BRIP1: variants seen among roughly 807,000 people sequenced by gnomAD.
BRIP1 encodes the protein BRCA1 interacting DNA helicase 1.
BRIP1 carries 88 observed loss-of-function variants against 119.7 expected under a neutral mutation model. The observed-to-expected ratio is 0.74, with a 90% CI of 0.62 to 0.88. The LOEUF is 0.88. Among genes scored for constraint, BRIP1 ranks in the 40% least tolerant of loss-of-function variants. BRIP1 has a pLI of 0.00. For synonymous variants in BRIP1, 443 were observed against 496.5 expected (o/e 0.89, Z 1.43); for missense variants, 1,259 against 1,455.4 (o/e 0.87, Z 2.20).
At chr17:61,727,786 CTCTCTATATA>C (rs764978454) in intron 16 of BRIP1, among the ~76,000 whole-genome samples, 4 of 146,528 alleles carry the variant, frequency 2.7e-5, no homozygotes, top group East Asian at 4.0e-4. Flanking sequence ...CTCTCTCTCT[CTCTCTATATA>C]TATATATATA....
At chr17:61,784,863 T>C (rs891216739) in intron 10 of BRIP1, among the ~76,000 whole-genome samples, 1 of 152,216 alleles carries the variant, frequency 6.6e-6, no homozygotes, top group Non-Finnish European at 1.5e-5. Context: ...GCTGGAGCCA[T>C]GCTTCGTACA....
chr17:61,765,382 TATATATATATATATATATATATATATA>T (rs2077342132), intron 14 of BRIP1, among the ~76,000 whole-genome samples: 1 of 18,302 alleles, frequency 5.5e-5, no homozygotes, highest in Non-Finnish European at 9.4e-5. Flanking sequence ...GTATATATTA[TATATATATATATATATATATATATATA>T]TATATATATA....
At chr17:61,788,546 G>T (rs181174751) in intron 10 of BRIP1, among the ~76,000 whole-genome samples, 2 of 152,188 alleles carry the variant, frequency 1.3e-5, no homozygotes, top group East Asian at 1.9e-4. Flanking sequence ...TAAAGTGAGG[G>T]ATATGCCCTA....
At position 61,744,643 on chromosome 17, in the gene BRIP1, T is replaced by C. The variant is rs1332981174; in HGVS notation, c.2098-52A>G. 1.3e-6 allele frequency: 2 copies of C among 1,500,442 alleles called. No individual in the cohort carries two copies. Among genetic ancestry groups the C allele is most frequent in the Non-Finnish European group, 1.9e-6 (2 of 1,077,706 alleles). The allele number at this position is 1,500,442 out of a possible 1,614,324, so 92.9% of individuals were successfully genotyped here. A position where few individuals can be genotyped will look rare whatever the true frequency, so the allele number is the denominator to read the frequency against. ...TTTTTGTGTGTCTAGCTAAACAAAC[T>C]TAACTTCATTTGTTTAAGCCAATGT... is the stretch of plus-strand genomic sequence containing the variant. On this transcript the variant is annotated intron_variant, in intron 14 of 19. Transcript: ENST00000259008. The surrounding 1 kb of genome is among the most constrained non-coding windows in gnomAD (Gnocchi z 5.0).
At chr17:61,733,332 A>G (rs2076875286) in intron 16 of BRIP1, among the ~76,000 whole-genome samples, 1 of 152,182 alleles carries the variant, frequency 6.6e-6, no homozygotes, top group African/African-American at 2.4e-5. Context: ...AGCCTGGGCA[A>G]TATAGTGAGA....
chr17:61,705,968 T>C lies in BRIP1; in HGVS notation c.2492+9983A>G, dbSNP rs1226217511. On this transcript the variant is annotated intron_variant, in intron 17 of 19. Coordinates refer to ENST00000259008, the MANE Select transcript of BRIP1 (RefSeq NM_032043.3). The surrounding 1 kb of genome is among the most constrained non-coding windows in gnomAD (Gnocchi z 5.0). ...AATGTTGCTCAAGTCATCTATATCTTTATTAGTTTGTCTACTAGTTCTGTT... is the reference window on the plus strand; with the variant it reads ...AATGTTGCTCAAGTCATCTATATCTCTATTAGTTTGTCTACTAGTTCTGTT... Among the ~76,000 whole-genome samples the C allele has an allele frequency of 6.6e-6, 1 of 152,166 alleles. No homozygotes were observed. Among genetic ancestry groups the C allele is most frequent in the Non-Finnish European group, 1.5e-5 (1 of 68,002 alleles).
chr17:61,813,805 A>C (rs751058466), intron 6 of BRIP1, among the ~76,000 whole-genome samples: 1 of 152,068 alleles, frequency 6.6e-6, no homozygotes, highest in African/African-American at 2.4e-5. Flanking sequence ...GAAGACAATG[A>C]CAAGGATCAC....
At position 61,740,527 on chromosome 17, in the gene BRIP1, A is replaced by C. The variant is rs58533373; in HGVS notation, c.2379+2486T>G. ...AAATTTTTCTCACTCATTCAGATTC[A>C]CCAAAGATTTAAAAATGTCTAAGGA... On this transcript the variant is annotated intron_variant, in intron 16 of 19. Transcript: ENST00000259008. This position sits in a 1 kb window ranked among gnomAD's most constrained non-coding sequence, Gnocchi z 5.4. Among the ~76,000 whole-genome samples the C allele has an allele frequency of 9.7e-3, 1,476 of 152,300 alleles. 30 individuals are homozygous for C. The highest frequency in any genetic ancestry group is 0.033 in the African/African-American group (1,392 of 41,564).
At position 61,692,067 on chromosome 17, in the gene BRIP1, C is replaced by T. The variant is rs370479916; in HGVS notation, c.2575+1363G>A. Among the ~76,000 whole-genome samples the T allele has an allele frequency of 1.5e-4, 23 of 152,026 alleles. No homozygotes were observed. In the East Asian group the frequency reaches 4.1e-3, roughly 27 times the overall value. ...GTGTTCCCCCATGTCATAGGTGGGG[C>T]CTAGTGGGAGGTATGTGGGTCATGG... On this transcript the variant is annotated intron_variant, in intron 18 of 19. Transcript: ENST00000259008.
Position 61,843,638 on chromosome 17 carries a change from C to T in BRIP1, c.627+3463G>A, listed in dbSNP as rs2078688753. On this transcript the variant is annotated intron_variant, in intron 6 of 19. Coordinates refer to ENST00000259008, the MANE Select transcript of BRIP1 (RefSeq NM_032043.3). The surrounding 1 kb of genome is among the most constrained non-coding windows in gnomAD (Gnocchi z 5.7). ...TCCTCTGCTCTCTCCTCTGTCCTCT[C>T]TTTCCATGTGACAAGTTTGCTCTCT... Among the ~76,000 whole-genome samples, 1 of 152,110 alleles carries T rather than the reference C, an allele frequency of 6.6e-6. No homozygotes were observed. Among genetic ancestry groups the T allele is most frequent in the Non-Finnish European group, 1.5e-5 (1 of 68,028 alleles).
At position 61,682,162 on chromosome 17, in the gene BRIP1, G is replaced by A. The variant is rs2144057026; in HGVS notation, c.*1134C>T. ...TATTTTAGCTGCAGCTATAAATGTGGGTTTGCTTATCAAATTTATATATGA... is the reference window on the plus strand; with the variant it reads ...TATTTTAGCTGCAGCTATAAATGTGAGTTTGCTTATCAAATTTATATATGA... On this transcript the variant is annotated 3_prime_UTR_variant, in exon 20 of 20. Transcript: ENST00000259008. The surrounding 1 kb of genome is among the most constrained non-coding windows in gnomAD (Gnocchi z 4.9). The A allele has an allele frequency of 5.0e-6, 1 of 199,900 alleles. No individual in the cohort carries two copies. The highest frequency in any genetic ancestry group is 1.7e-3 in the Middle Eastern group (1 of 584). 12.4% of individuals were successfully genotyped at this position (199,900 alleles called of 1,614,324 possible).
rs2076807713 is a variant in BRIP1 at position 61,729,018 on chromosome 17, C to T, written c.2380-12955G>A. On this transcript the variant is annotated intron_variant, in intron 16 of 19. Coordinates refer to ENST00000259008, the MANE Select transcript of BRIP1 (RefSeq NM_032043.3). This position sits in a 1 kb window ranked among gnomAD's most constrained non-coding sequence, Gnocchi z 5.6. ...AGTTCAAAACAGAAAGGAGGACGGG[C>T]GGCTGTAACCCCAGCACTTTGGGAG... is the stretch of plus-strand genomic sequence containing the variant. Among the ~76,000 whole-genome samples, 2 of 152,036 alleles carry T rather than the reference C, an allele frequency of 1.3e-5. No individual in the cohort carries two copies. The highest frequency in any genetic ancestry group is 2.1e-4 in the South Asian group (1 of 4,818).
rs1216320364 is a variant in BRIP1 at position 61,860,674 on chromosome 17, A to G, written c.94-767T>C. 1.3e-5 allele frequency among the ~76,000 whole-genome samples: 2 copies of G among 152,198 alleles called. No individual in the cohort carries two copies. The highest frequency in any genetic ancestry group is 2.9e-5 in the Non-Finnish European group (2 of 68,036). ...GACGCTGTCTCAAAAACAAAAAGAA[A>G]AAAGGAAGTTCACAGCAGCATTGTT... is the stretch of plus-strand genomic sequence containing the variant. On this transcript the variant is annotated intron_variant, in intron 2 of 19. Coordinates refer to ENST00000259008, the MANE Select transcript of BRIP1 (RefSeq NM_032043.3). This position sits in a 1 kb window ranked among gnomAD's most constrained non-coding sequence, Gnocchi z 4.1.
chr17:61,752,202 T>C lies in BRIP1; in HGVS notation c.2098-7611A>G, dbSNP rs965583826. ...TATATACACACATATTTCACAAATA[T>C]AAAATATAAAAATTAAACAACATTA... On this transcript the variant is annotated intron_variant, in intron 14 of 19. Coordinates refer to ENST00000259008, the MANE Select transcript of BRIP1 (RefSeq NM_032043.3). The surrounding 1 kb of genome is among the most constrained non-coding windows in gnomAD (Gnocchi z 6.2). Among the ~76,000 whole-genome samples the C allele has an allele frequency of 6.6e-6, 1 of 152,150 alleles. No individual in the cohort carries two copies. Among genetic ancestry groups the C allele is most frequent in the Non-Finnish European group, 1.5e-5 (1 of 68,040 alleles).
intron 4 of BRIP1, among the ~76,000 whole-genome samples, chr17:61,849,805 A>G (rs757024712): frequency 2.0e-5 from 3 of 152,196 alleles, no homozygotes; most frequent in Non-Finnish European, 4.4e-5. Flanking sequence ...TAGCTTGCCC[A>G]GTATCATACA....
chr17:61,720,249 A>G lies in BRIP1; in HGVS notation c.2380-4186T>C, dbSNP rs1185694049. Among the ~76,000 whole-genome samples the G allele has an allele frequency of 6.6e-6, 1 of 152,196 alleles. No homozygotes were observed. The highest frequency in any genetic ancestry group is 1.5e-5 in the Non-Finnish European group (1 of 68,024). ...ATATTACATCATTTCAAATAACTAG[A>G]AGGAGGAGATTACATGTTCCATACA... is the stretch of plus-strand genomic sequence containing the variant. On this transcript the variant is annotated intron_variant, in intron 16 of 19. Coordinates refer to ENST00000259008, the MANE Select transcript of BRIP1 (RefSeq NM_032043.3). The surrounding 1 kb of genome is among the most constrained non-coding windows in gnomAD (Gnocchi z 4.3).
At chr17:61,840,451 C>CATTA (rs2078642118) in intron 6 of BRIP1, among the ~76,000 whole-genome samples, 3 of 149,806 alleles carry the variant, frequency 2.0e-5, no homozygotes, top group Admixed American at 6.7e-5. Context: ...TCAACAATAA[C>CATTA]ATTAATAATA....
intron 16 of BRIP1, among the ~76,000 whole-genome samples, chr17:61,719,897 T>C (rs2061944790): frequency 6.6e-6 from 1 of 152,122 alleles, no homozygotes. Context: ...GGTGCGATCA[T>C]GGCTTACTTC....
intron 2 of BRIP1, 75 bp from the exon 3 acceptor site, chr17:61,859,982 T>C (rs1333165654): frequency 9.6e-7 from 1 of 1,041,128 alleles, no homozygotes; most frequent in Non-Finnish European, 1.5e-6. Flanking sequence ...GAAGTTTAAA[T>C]AGAACAGCAA....
Sources: gnomAD v4.1 joint callset for allele counts (sites outside exome capture counted in the v4.1 genomes callset) on GRCh38, gnomAD v4.1.1 for gene constraint, Gnocchi (gnomAD v3.1) non-coding constraint, MANE v1.5 for transcripts, NCBI Gene and HGNC (gene_info 2026-07-23, HGNC 2026-07-21) for gene names.